The following SFPQ variants were observed in gnomAD, a reference collection of about 807,000 sequenced individuals.
SFPQ encodes the protein splicing factor, proline- and glutamine-rich.
A neutral mutation model predicts 72.9 loss-of-function variants in SFPQ; 11 were observed. That is an observed-to-expected ratio of 0.15 (90% CI 0.09 to 0.25). The LOEUF (loss-of-function observed/expected upper bound fraction) is 0.25, where lower values mean the gene tolerates loss of function less well. Ranked by LOEUF, SFPQ falls within the 10% of genes least tolerant of loss-of-function variation. The probability of loss-of-function intolerance (pLI) is 1.00; values close to 1 mark genes in which losing one functional copy is unlikely to be tolerated. For missense variants in SFPQ, 847 were observed against 993.3 expected, an observed-to-expected ratio of 0.85 and a Z score of 1.98; for synonymous variants, 506 against 367.3, an observed-to-expected ratio of 1.38 and a Z score of -4.32.
chr1:35,179,719 C>A, downstream of SFPQ: 3 of 1,057,214 alleles, frequency 2.8e-6, no homozygotes, highest in Non-Finnish European at 3.4e-6. Context: ...AAAATTAACC[C>A]CCCACCCCAA....
Position 35,191,506 on chromosome 1 carries a change from G to T in SFPQ, c.852C>A (p.Leu284=), listed in dbSNP as rs183464864. 83 of 1,613,056 alleles carry T rather than the reference G, an allele frequency of 5.1e-5. No individual in the cohort carries two copies. In the East Asian group the frequency reaches 1.5e-3, roughly 29 times the overall value. ...DSEGFKANLS[L]LRRPGEKTYT... is the part of the protein sequence containing the mutation. The stretch of plus-strand genomic sequence containing the variant: ...AAGTTTTCTCTCCAGGCCTCCTCAA[G>T]AGAGACAAATTGGCTTTAAACCCCT... The change falls in exon 2 of 10, where the codon CTC becomes CTA. Residue 284 remains leucine (L), a synonymous_variant. Coordinates refer to ENST00000357214, the MANE Select transcript of SFPQ (RefSeq NM_005066.3).
At chr1:35,182,487 C>T (rs1173321278), downstream of SFPQ, 6 of 985,288 alleles carry the variant, frequency 6.1e-6, no homozygotes, top group Non-Finnish European at 7.2e-6. Flanking sequence ...GTCATACAAC[C>T]AGTATTTGGT....
At position 35,190,611 on chromosome 1, in the gene SFPQ, T is replaced by C; in HGVS notation, c.1320-18A>G. ...GAGGAGTTCTAATAACAAAAATGGTTCCATCTTAGCTTTGTTCCAGTTTTA... is the reference window on the plus strand; with the variant it reads ...GAGGAGTTCTAATAACAAAAATGGTCCCATCTTAGCTTTGTTCCAGTTTTA... On this transcript the variant is annotated intron_variant, in intron 3 of 9. Transcript: ENST00000357214. The C allele has an allele frequency of 1.9e-6, 3 of 1,609,772 alleles. 1 individual carries two copies. The South Asian group carries it at 3.3e-5, about 18-fold the overall frequency.
chr1:35,176,480 TA>T (rs374770560), intron 5 of SFPQ: 1 of 152,272 alleles, frequency 6.6e-6, no homozygotes, highest in East Asian at 1.9e-4. Context: ...TCCTGCTAAT[TA>T]AAGGGTATGA....
Position 35,183,636 on chromosome 1 carries a change from C to T in SFPQ, c.*820G>A. 1 of 1,035,360 alleles carries T rather than the reference C, an allele frequency of 9.7e-7. No homozygotes were observed. The highest frequency in any genetic ancestry group is 1.2e-6 in the Non-Finnish European group (1 of 860,002). 64.1% of individuals were successfully genotyped at this position (1,035,360 alleles called of 1,614,324 possible). ...CATCTTTAATTCAAATGTAAAAGTT[C>T]AATACAAGCCATTTATAGGGCTTGA... On this transcript the variant is annotated 3_prime_UTR_variant, in exon 10 of 10. Coordinates refer to ENST00000357214, the MANE Select transcript of SFPQ (RefSeq NM_005066.3).
intron 7 of SFPQ, among the ~76,000 whole-genome samples, chr1:35,187,468 C>A (rs924884060): frequency 2.0e-5 from 3 of 152,208 alleles, no homozygotes; most frequent in African/African-American, 4.8e-5. Context: ...CAGTGGCTCA[C>A]GCCTGTAATC....
intron 7 of SFPQ, among the ~76,000 whole-genome samples, chr1:35,187,677 G>A (rs1328187357): frequency 1.3e-5 from 2 of 151,846 alleles, no homozygotes; most frequent in Non-Finnish European, 1.5e-5. Flanking sequence ...GCTGCAGTGA[G>A]CCAAGATCAA....
chr1:35,192,756 C>A lies in SFPQ; in HGVS notation c.294G>T (p.Gln98His), dbSNP rs1346074750. Reference protein sequence around the residue: ...PPHPQPHQQQQPPPPPQDSSK... With the variant: ...PPHPQPHQQQHPPPPPQDSSK... ...AAGAGTCCTGCGGCGGTGGCGGCGG[C>A]TGCTGCTGCTGATGCGGCTGTGGAT... Residue 98 changes from glutamine (Q) to histidine (H), a missense_variant, in exon 1 of 10, where the codon CAG (glutamine) becomes CAT (histidine). Gln to His is a conservative substitution (Grantham distance 24). This residue lies in a region of SFPQ where 498 missense variants were observed against 405.1 expected (regional missense o/e 1.23). Transcript: ENST00000357214. 1.3e-6 allele frequency: 2 copies of A among 1,489,762 alleles called. No homozygotes were observed. 92.3% of individuals were successfully genotyped at this position (1,489,762 alleles called of 1,614,324 possible).
chr1:35,180,242 A>G (rs1639411900), downstream of SFPQ: 3 of 1,051,354 alleles, frequency 2.9e-6, no homozygotes, highest in Admixed American at 1.1e-4. Context: ...AAACCAGTTC[A>G]GAGACCAAGA....
At chr1:35,188,853 C>T (rs986689164) in intron 6 of SFPQ, 150 bp downstream of exon 6, 3 of 645,998 alleles carry the variant, frequency 4.6e-6, no homozygotes, top group East Asian at 2.7e-5. Flanking sequence ...CCCAGCTGAT[C>T]GGGAGGCTGA....
chr1:35,186,842 A>G (rs1030193782), intron 9 of SFPQ, among the ~76,000 whole-genome samples, 159 bp downstream of exon 9: 1 of 152,218 alleles, frequency 6.6e-6, no homozygotes. Flanking sequence ...CTATGTTGCC[A>G]AAGTATTCCT....
Position 35,183,854 on chromosome 1 carries a change from T to A in SFPQ, c.*602A>T. 1 of 1,055,014 alleles carries A rather than the reference T, an allele frequency of 9.5e-7. No homozygotes were observed. The highest frequency in any genetic ancestry group is 5.3e-5 in the East Asian group (1 of 18,706). 65.4% of individuals were successfully genotyped at this position (1,055,014 alleles called of 1,614,324 possible). On this transcript the variant is annotated 3_prime_UTR_variant, in exon 10 of 10. Coordinates refer to ENST00000357214, the MANE Select transcript of SFPQ (RefSeq NM_005066.3). ...ATACATATTCCTGAAGATTTACAGT[T>A]CAGCTTTGCTTACATAACCATTTAA...
At position 35,191,472 on chromosome 1, in the gene SFPQ, G is replaced by T. The variant is rs1368310955; in HGVS notation, c.886C>A (p.Arg296=). 4.3e-6 allele frequency: 7 copies of T among 1,614,032 alleles called. No individual in the cohort carries two copies. Among genetic ancestry groups the T allele is most frequent in the Non-Finnish European group, 5.9e-6 (7 of 1,179,982 alleles). Residue 296 remains arginine, a synonymous_variant, in exon 2 of 10, where the codon CGA becomes AGA. Transcript: ENST00000357214. ...AGATTCCCAACAAACAACCGACATC[G>T]CTGTGTGTAAGTTTTCTCTCCAGGC... ...RRPGEKTYTQ[R]CRLFVGNLPA... is the part of the protein sequence containing the mutation.
chr1:35,179,914 T>C, downstream of SFPQ: 1 of 1,055,016 alleles, frequency 9.5e-7, no homozygotes, highest in Non-Finnish European at 1.1e-6. Context: ...TGTAATTTAG[T>C]GATACTCATG....
At chr1:35,192,146 C>CAGCGCG (rs997099835) in intron 1 of SFPQ, 76 bp downstream of exon 1, 10 of 1,201,066 alleles carry the variant, frequency 8.3e-6, no homozygotes, top group Non-Finnish European at 1.1e-5. Flanking sequence ...AATGGAAGCC[C>CAGCGCG]AGCGCGGGGG....
chr1:35,176,612 GCAATCCC>G (rs1639247880), intron 5 of SFPQ: 1 of 152,210 alleles, frequency 6.6e-6, no homozygotes, highest in African/African-American at 2.4e-5. Context: ...GCTCACGCCT[GCAATCCC>G]AGCACTTTGG....
chr1:35,191,182 TA>T (rs1639978270), intron 2 of SFPQ, among the ~76,000 whole-genome samples, 158 bp downstream of exon 2: 1 of 152,176 alleles, frequency 6.6e-6, no homozygotes. Flanking sequence ...TAGCAACAAT[TA>T]TGCATTATAC....
Position 35,183,006 on chromosome 1 carries a change from T to G in SFPQ, c.*1450A>C. The G allele has an allele frequency of 3.8e-6, 4 of 1,039,380 alleles. No homozygotes were observed. Among genetic ancestry groups the G allele is most frequent in the Non-Finnish European group, 4.6e-6 (4 of 863,068 alleles). 64.4% of individuals were successfully genotyped at this position (1,039,380 alleles called of 1,614,324 possible). ...GTAGCATGAGCAACTTTCTCCAGATTTAGTGCTACATGAAAACGAAACTAT... is the reference window on the plus strand; with the variant it reads ...GTAGCATGAGCAACTTTCTCCAGATGTAGTGCTACATGAAAACGAAACTAT... On this transcript the variant is annotated 3_prime_UTR_variant, in exon 10 of 10. Coordinates refer to ENST00000357214, the MANE Select transcript of SFPQ (RefSeq NM_005066.3).
chr1:35,178,972 T>G, downstream of SFPQ: 2 of 1,056,318 alleles, frequency 1.9e-6, no homozygotes, highest in Non-Finnish European at 2.3e-6. Flanking sequence ...CTGTTGAGAT[T>G]TCCAGTTGAG....
Sources: allele counts gnomAD v4.1 joint callset (sites outside exome capture counted in the v4.1 genomes callset), GRCh38; gene constraint gnomAD v4.1.1; regional missense constraint gnomAD v4.1.1; transcripts MANE v1.5; gene names NCBI Gene and HGNC (gene_info 2026-07-23, HGNC 2026-07-21).